ZNF536: variants seen among roughly 807,000 people sequenced by gnomAD.
The protein encoded by ZNF536 is zinc finger protein 536.
In ZNF536, 13 loss-of-function variants were observed where a neutral mutation model predicts 84.5. The ratio of observed to expected loss-of-function variants is 0.15; its 90% CI spans 0.10 to 0.24. The LOEUF is 0.24. ZNF536 is among the 10% of genes least tolerant of loss of function. The pLI is 1.00. For synonymous variants in ZNF536, 811 were observed against 742.5 expected, an observed-to-expected ratio of 1.09 and a Z score of -1.50; for missense variants, 1,536 against 1,747.5, an observed-to-expected ratio of 0.88 and a Z score of 2.16.
At chr19:30,695,127 A>G (rs2051602825) in intron 1 of ZNF536, among the ~76,000 whole-genome samples, 1 of 152,182 alleles carries the variant, frequency 6.6e-6, no homozygotes, top group Admixed American at 6.5e-5. Context: ...TGAGGAAAAC[A>G]GCAAGGCATG....
chr19:30,510,316 G>A (rs759430361), intron 2 of ZNF536, among the ~76,000 whole-genome samples: 13 of 152,200 alleles, frequency 8.5e-5, no homozygotes, highest in Non-Finnish European at 1.9e-4. Context: ...GATTGTTAAT[G>A]TGCCAGAGAG....
intron 2 of ZNF536, among the ~76,000 whole-genome samples, chr19:30,510,062 A>G (rs1384844038): frequency 6.6e-6 from 1 of 152,244 alleles, no homozygotes; most frequent in Admixed American, 6.5e-5. Flanking sequence ...GGAAGTTTAT[A>G]AAATGGAAGT....
At chr19:30,387,062 G>A (rs1381973431) in intron 1 of ZNF536, among the ~76,000 whole-genome samples, 2 of 152,226 alleles carry the variant, frequency 1.3e-5, no homozygotes, top group Non-Finnish European at 1.5e-5. Context: ...TGTTTGATGT[G>A]TGATTGAAGT....
chr19:30,415,725 C>A (rs1035752100), intron 1 of ZNF536, among the ~76,000 whole-genome samples: 8 of 152,114 alleles, frequency 5.3e-5, no homozygotes, highest in Non-Finnish European at 1.2e-4. Flanking sequence ...ATTCTCCTGC[C>A]TCAGCCTCCC....
At chr19:30,297,672 C>T (rs986416924) in intron 2 of ZNF536, among the ~76,000 whole-genome samples, 16 of 152,036 alleles carry the variant, frequency 1.1e-4, no homozygotes, top group African/African-American at 3.4e-4. Context: ...GATGGCCGCT[C>T]GAGTAAACGA....
chr19:30,476,886 C>T (rs1205231858), intron 2 of ZNF536, among the ~76,000 whole-genome samples: 1 of 152,178 alleles, frequency 6.6e-6, no homozygotes, highest in Non-Finnish European at 1.5e-5. Flanking sequence ...CTCTCCTGCT[C>T]TTTCTGTCAC....
At chr19:30,601,366 C>T (rs566689456) in intron 1 of ZNF536, among the ~76,000 whole-genome samples, 26 of 152,240 alleles carry the variant, frequency 1.7e-4, no homozygotes, top group African/African-American at 5.8e-4. Context: ...CTAGAAAGTC[C>T]GTGTTCGTGA....
At chr19:30,236,937 T>G (rs569796091) in intron 1 of ZNF536, among the ~76,000 whole-genome samples, 73 of 152,228 alleles carry the variant, frequency 4.8e-4, no homozygotes, top group Non-Finnish European at 9.3e-4. Flanking sequence ...TCCAAATGCT[T>G]CCTGAAGAAC....
intron 2 of ZNF536, among the ~76,000 whole-genome samples, chr19:30,448,518 T>A (rs904337801): frequency 6.6e-6 from 1 of 152,208 alleles, no homozygotes; most frequent in Non-Finnish European, 1.5e-5. Context: ...AAGAAATAAC[T>A]GCAAAACACG....
In ZNF536 at chr19:30,557,310, G is replaced by A; in HGVS notation, c.*146G>A. 1 of 898,140 alleles carries A rather than the reference G, an allele frequency of 1.1e-6. No individual in the cohort carries two copies. Among genetic ancestry groups the A allele is most frequent in the Non-Finnish European group, 1.8e-6 (1 of 554,698 alleles). 55.6% of individuals were successfully genotyped at this position (898,140 alleles called of 1,614,324 possible). On this transcript the variant is annotated 3_prime_UTR_variant, in exon 5 of 5. Transcript: ENST00000355537. ...GAATAATTACTATTGGCATAGGTAT[G>A]TGTATACACACGGTGCACCAATCTA...
chr19:30,616,973 T>C (rs923273185), intron 1 of ZNF536, among the ~76,000 whole-genome samples: 1 of 152,154 alleles, frequency 6.6e-6, no homozygotes, highest in African/African-American at 2.4e-5. Context: ...ATATATTATT[T>C]AGTGTTTATA....
At chr19:30,475,395 G>A (rs969533661) in intron 2 of ZNF536, among the ~76,000 whole-genome samples, 1 of 152,102 alleles carries the variant, frequency 6.6e-6, no homozygotes, top group Non-Finnish European at 1.5e-5. Flanking sequence ...TTGAGACCAG[G>A]AGTTCAAGAA....
chr19:30,582,723 T>C (rs2046965597), intron 1 of ZNF536, among the ~76,000 whole-genome samples: 1 of 152,050 alleles, frequency 6.6e-6, no homozygotes, highest in Non-Finnish European at 1.5e-5. Context: ...GAAAGGCACG[T>C]CTTACATGGC....
intron 2 of ZNF536, among the ~76,000 whole-genome samples, chr19:30,287,941 C>G (rs2045706865): frequency 6.6e-6 from 1 of 152,216 alleles, no homozygotes; most frequent in Non-Finnish European, 1.5e-5. Context: ...TCTATTCATT[C>G]ATTGGCCTCC....
At chr19:30,439,790 T>C (rs1013678100) in intron 1 of ZNF536, among the ~76,000 whole-genome samples, 2 of 152,022 alleles carry the variant, frequency 1.3e-5, no homozygotes, top group Admixed American at 1.3e-4. Context: ...GACGGTCAGT[T>C]AAGTTCTAAA....
At chr19:30,498,574 G>C (rs1441376219) in intron 2 of ZNF536, among the ~76,000 whole-genome samples, 4 of 151,578 alleles carry the variant, frequency 2.6e-5, no homozygotes, top group Non-Finnish European at 5.9e-5. Flanking sequence ...TGCACATCCT[G>C]CACATGTACC....
At chr19:30,227,992 C>T (rs1421573893), upstream of ZNF536, among the ~76,000 whole-genome samples, 2 of 152,126 alleles carry the variant, frequency 1.3e-5, no homozygotes, top group Non-Finnish European at 2.9e-5. Flanking sequence ...CTGACCTTGA[C>T]GCCCCAGTCT....
intron 1 of ZNF536, among the ~76,000 whole-genome samples, chr19:30,651,777 A>C (rs1446094908): frequency 6.6e-6 from 1 of 151,782 alleles, no homozygotes; most frequent in Non-Finnish European, 1.5e-5. Flanking sequence ...AAATTCAAGA[A>C]TTTGGCAGTG....
chr19:30,393,360 T>C (rs2049679624), intron 1 of ZNF536, among the ~76,000 whole-genome samples: 1 of 152,224 alleles, frequency 6.6e-6, no homozygotes, highest in Admixed American at 6.5e-5. Context: ...CATTTCTTCC[T>C]ATGCTCACTG....
Sources: gnomAD v4.1 joint callset for allele counts (sites outside exome capture counted in the v4.1 genomes callset) on GRCh38, gnomAD v4.1.1 for gene constraint, MANE v1.5 for transcripts, NCBI Gene and HGNC (gene_info 2026-07-23, HGNC 2026-07-21) for gene names.